ABAT: variants seen among roughly 807,000 people sequenced by gnomAD.
ABAT encodes the protein 4-aminobutyrate aminotransferase, mitochondrial.
Under a neutral mutation model 64.6 loss-of-function variants are expected in ABAT, and 45 were observed. The observed-to-expected ratio is 0.70, with a 90% CI of 0.55 to 0.89. The LOEUF (loss-of-function observed/expected upper bound fraction) is 0.89. Ranked by LOEUF, ABAT falls within the 40% of genes least tolerant of loss-of-function variation. The probability of loss-of-function intolerance (pLI) is 0.00; values close to 1 mark genes in which losing one functional copy is unlikely to be tolerated. For missense variants in ABAT, 633 were observed against 658.4 expected (o/e 0.96, Z 0.42); for synonymous variants, 297 against 250.5 (o/e 1.19, Z -1.75).
At chr16:8,773,105 T>TACAC (rs35248639) in intron 12 of ABAT, among the ~76,000 whole-genome samples, 188 bp downstream of exon 12, 11,026 of 108,788 alleles carry the variant, frequency 0.1, 579 homozygotes, top group Non-Finnish European at 0.11. Flanking sequence ...CCTAAAACTA[T>TACAC]ACACACACAC....
At chr16:8,736,541 T>C (rs983422327) in intron 2 of ABAT, 1 of 152,370 alleles carries the variant, frequency 6.6e-6, no homozygotes, top group Non-Finnish European at 1.5e-5. Flanking sequence ...CATAAGCGAC[T>C]CTGAAATTGA....
At chr16:8,735,915 G>A in intron 2 of ABAT, 106 bp downstream of exon 2, 1 of 969,038 alleles carries the variant, frequency 1.0e-6, no homozygotes, top group Non-Finnish European at 1.6e-6. Flanking sequence ...ACCAGCCAGT[G>A]AGTGTTTCTG....
chr16:8,682,546 C>T (rs957913146), intron 1 of ABAT, among the ~76,000 whole-genome samples: 2 of 152,080 alleles, frequency 1.3e-5, no homozygotes, highest in Non-Finnish European at 2.9e-5. Context: ...GTAGAATCAC[C>T]GGCGGCCAGA....
At chr16:8,701,610 A>G (rs1340081438) in intron 1 of ABAT, among the ~76,000 whole-genome samples, 1 of 152,262 alleles carries the variant, frequency 6.6e-6, no homozygotes, top group Non-Finnish European at 1.5e-5. Flanking sequence ...TGGTTACTGC[A>G]TTATTCCCCA....
In ABAT at chr16:8,773,156, ATATT is replaced by A. The variant is rs776079272; in HGVS notation, c.954+241_954+244del. On this transcript the variant is annotated intron_variant, in intron 12 of 15. Transcript: ENST00000268251. The stretch of plus-strand genomic sequence containing the variant: ...CACACACACACACACACATATATAT[ATATT>A]TTTTTTTTTGAGACAGAGTCTCACT... 3.3e-3 allele frequency among the ~76,000 whole-genome samples: 472 copies of A among 141,642 alleles called. 3 individuals carry two copies. Among genetic ancestry groups the A allele is most frequent in the Middle Eastern group, 7.3e-3 (2 of 274 alleles). 92.9% of individuals were successfully genotyped at this position (141,642 alleles called of 152,430 possible).
intron 1 of ABAT, among the ~76,000 whole-genome samples, chr16:8,680,888 C>A (rs958320374): frequency 2.0e-5 from 3 of 152,082 alleles, no homozygotes; most frequent in Non-Finnish European, 2.9e-5. Context: ...TACTCAAGTT[C>A]TTTGCCCATT....
At chr16:8,721,498 C>G (rs570613986) in intron 1 of ABAT, among the ~76,000 whole-genome samples, 1 of 152,282 alleles carries the variant, frequency 6.6e-6, no homozygotes, top group South Asian at 2.1e-4. Flanking sequence ...GGTGAGCGAG[C>G]GTCAGGTGCA....
intron 1 of ABAT, among the ~76,000 whole-genome samples, chr16:8,679,903 A>G (rs894508133): frequency 3.3e-5 from 5 of 152,006 alleles, no homozygotes; most frequent in Non-Finnish European, 7.4e-5. Context: ...GGGTCTAACC[A>G]TCCTTGCTTT....
At chr16:8,698,097 A>C (rs1399417581) in intron 1 of ABAT, among the ~76,000 whole-genome samples, 1 of 152,168 alleles carries the variant, frequency 6.6e-6, no homozygotes, top group Non-Finnish European at 1.5e-5. Context: ...AAACAATGGA[A>C]GTTTATTCTC....
intron 1 of ABAT, chr16:8,722,833 C>T (rs1052171068): frequency 5.7e-5 from 74 of 1,289,004 alleles, no homozygotes; most frequent in Non-Finnish European, 7.1e-5. Flanking sequence ...TATACTAATG[C>T]AACTTCGAGG....
intron 1 of ABAT, among the ~76,000 whole-genome samples, chr16:8,716,428 A>G (rs1225375213): frequency 6.6e-6 from 1 of 152,086 alleles, no homozygotes; most frequent in East Asian, 1.9e-4. Context: ...GCTGCTGCTA[A>G]TTGTATTTGT....
At chr16:8,715,761 T>TAAA in intron 1 of ABAT, 1 of 150,710 alleles carries the variant, frequency 6.6e-6, no homozygotes, top group South Asian at 2.1e-4. Context: ...CAATAATAAA[T>TAAA]AAATTAAAAA....
In ABAT at chr16:8,767,445, G is replaced by A. The variant is rs72770161; in HGVS notation, c.604-748G>A. ...GCGTGCACCCATCAGCACCTGACCC[G>A]CCTGACACCTGAGGAGGCCTGAGTA... is the stretch of plus-strand genomic sequence containing the variant. On this transcript the variant is annotated intron_variant, in intron 9 of 15. Transcript: ENST00000268251. Among the ~76,000 whole-genome samples, 1,319 of 152,266 alleles carry A rather than the reference G, an allele frequency of 8.7e-3. 10 individuals carry two copies. Among genetic ancestry groups the A allele is most frequent in the Middle Eastern group, 0.017 (5 of 294 alleles).
At chr16:8,767,226 A>G (rs78779211) in intron 9 of ABAT, among the ~76,000 whole-genome samples, 6,863 of 152,256 alleles carry the variant, frequency 0.045, 226 homozygotes, top group Middle Eastern at 0.15. Context: ...CAGCTGTGCC[A>G]TTTGCTTGGG....
At chr16:8,742,930 G>A (rs1309749833) in intron 2 of ABAT, among the ~76,000 whole-genome samples, 1 of 149,602 alleles carries the variant, frequency 6.7e-6, no homozygotes, top group Admixed American at 6.7e-5. Flanking sequence ...TAGCTACGTG[G>A]GAGGCTGAGG....
chr16:8,776,552 C>G lies in ABAT; in HGVS notation c.1269+62C>G. On this transcript the variant is annotated intron_variant, in intron 14 of 15. Coordinates refer to ENST00000268251, the MANE Select transcript of ABAT (RefSeq NM_020686.6). The surrounding 1 kb of genome is among the most constrained non-coding windows in gnomAD (Gnocchi z 4.4). ...TGGCTCCCCGCAGCAGCCTCCGGGG[C>G]AACACTGGAGCTCTTCGGCATGGTG... The G allele has an allele frequency of 6.8e-7, 1 of 1,478,822 alleles. No individual in the cohort carries two copies. The allele number at this position is 1,478,822 out of a possible 1,614,324, so 91.6% of individuals were successfully genotyped here. A position where few individuals can be genotyped will look rare whatever the true frequency, so the allele number is the denominator to read the frequency against.
At chr16:8,759,192 C>T (rs2059728880) in intron 6 of ABAT, among the ~76,000 whole-genome samples, 1 of 152,104 alleles carries the variant, frequency 6.6e-6, no homozygotes, top group Non-Finnish European at 1.5e-5. Flanking sequence ...ATGAATTTCC[C>T]ATGTAACCAA....
At chr16:8,679,636 G>A (rs2057286447) in intron 1 of ABAT, among the ~76,000 whole-genome samples, 2 of 151,814 alleles carry the variant, frequency 1.3e-5, no homozygotes, top group African/African-American at 2.4e-5. Flanking sequence ...CTTAGTAGGT[G>A]CTTAATTAAC....
Position 8,777,713 on chromosome 16 carries a change from C to G in ABAT, c.1269+1223C>G, listed in dbSNP as rs146099432. 5.0e-3 allele frequency among the ~76,000 whole-genome samples: 762 copies of G among 152,276 alleles called. 5 individuals are homozygous for G. Among genetic ancestry groups the G allele is most frequent in the African/African-American group, 0.017 (717 of 41,554 alleles). The stretch of plus-strand genomic sequence containing the variant: ...AAACTGCCAGCTCCCCAGCAATTGA[C>G]AAGTGCAAGGAACATGCTAGAGTAA... On this transcript the variant is annotated intron_variant, in intron 14 of 15. Transcript: ENST00000268251.
Sources: allele counts gnomAD v4.1 joint callset (sites outside exome capture counted in the v4.1 genomes callset), GRCh38; gene constraint gnomAD v4.1.1; non-coding constraint Gnocchi (gnomAD v3.1); transcripts MANE v1.5; gene names NCBI Gene and HGNC (gene_info 2026-07-23, HGNC 2026-07-21).